The following SMG6 variants were observed in gnomAD, a reference collection of about 807,000 sequenced individuals.
SMG6 encodes the protein telomerase-binding protein EST1A.
In SMG6, 66 loss-of-function variants were observed where a neutral mutation model predicts 142.2. That is an observed-to-expected ratio of 0.46 (90% CI 0.38 to 0.57). The LOEUF (loss-of-function observed/expected upper bound fraction) is 0.57. Ranked by LOEUF, SMG6 falls within the 20% of genes least tolerant of loss-of-function variation. The pLI, the probability that SMG6 is intolerant of heterozygous loss-of-function variation, is 0.00. For synonymous variants in SMG6, 779 were observed against 702.4 expected (o/e 1.11, Z -1.72); for missense variants, 1,793 against 1,832.0 (o/e 0.98, Z 0.39).
intron 13 of SMG6, among the ~76,000 whole-genome samples, chr17:2,100,701 A>G (rs553905077): frequency 1.3e-5 from 2 of 152,222 alleles, no homozygotes; most frequent in African/African-American, 4.8e-5. Flanking sequence ...ACACCATCAC[A>G]TCCAGCTAAT....
rs116937145 is a variant in SMG6 at position 2,291,480 on chromosome 17, G to C, written c.2337+1072C>G. Among the ~76,000 whole-genome samples the C allele has an allele frequency of 2.0e-3, 311 of 152,230 alleles. 5 individuals are homozygous for C. The East Asian group carries it at 0.028, about 14-fold the overall frequency. On this transcript the variant is annotated intron_variant, in intron 6 of 18. Coordinates refer to ENST00000263073, the MANE Select transcript of SMG6 (RefSeq NM_017575.5). Reference sequence around the variant, plus strand: ...AGGGAAGAAAAAATAGTGCTGCAAAGAGGGCGGGAAAAAAAATCCCATAAA... The same window carrying C: ...AGGGAAGAAAAAATAGTGCTGCAAACAGGGCGGGAAAAAAAATCCCATAAA...
chr17:2,110,579 G>C (rs114729965), intron 13 of SMG6, among the ~76,000 whole-genome samples: 1 of 152,068 alleles, frequency 6.6e-6, no homozygotes, highest in Non-Finnish European at 1.5e-5. Context: ...CTGTGTTGGG[G>C]GGACTGATGG....
rs142558018 is a variant in SMG6 at position 2,237,600 on chromosome 17, T to C, written c.2724-963A>G. On this transcript the variant is annotated intron_variant, in intron 9 of 18. Transcript: ENST00000263073. The stretch of plus-strand genomic sequence containing the variant: ...CTGTATGTTTTCAGGCCAGTGGAAA[T>C]AGAATGCCCTGGCCAAGTGCCACTC... The C allele has an allele frequency of 1.0e-4, 103 of 981,592 alleles. 1 individual carries two copies. The East Asian group carries it at 7.6e-3, about 73-fold the overall frequency. The allele number at this position is 981,592 out of a possible 1,614,324, so 60.8% of individuals were successfully genotyped here. A position where few individuals can be genotyped will look rare whatever the true frequency, so the allele number is the denominator to read the frequency against.
chr17:2,200,887 C>T (rs2072500917), intron 10 of SMG6, among the ~76,000 whole-genome samples: 2 of 152,078 alleles, frequency 1.3e-5, no homozygotes, highest in African/African-American at 4.8e-5. Flanking sequence ...CCTTGAACTC[C>T]CAAAGTGCTG....
intron 4 of SMG6, among the ~76,000 whole-genome samples, chr17:2,296,078 G>C (rs1039265147): frequency 6.6e-6 from 1 of 152,146 alleles, no homozygotes; most frequent in Non-Finnish European, 1.5e-5. Flanking sequence ...CAAGTGACTG[G>C]TTCTAAGAAC....
intron 13 of SMG6, among the ~76,000 whole-genome samples, chr17:2,141,984 C>T (rs904852146): frequency 5.9e-5 from 9 of 152,144 alleles, no homozygotes; most frequent in Non-Finnish European, 2.9e-5. Context: ...GAAGTGTGTA[C>T]TTCAGGTAGA....
intron 9 of SMG6, among the ~76,000 whole-genome samples, chr17:2,241,836 T>C (rs1198685449): frequency 2.6e-5 from 4 of 152,254 alleles, no homozygotes; most frequent in African/African-American, 9.6e-5. Flanking sequence ...TAAATGTTCC[T>C]ACATTCTGCA....
chr17:2,112,884 AGTAGCTG>A (rs2069382521), intron 13 of SMG6, among the ~76,000 whole-genome samples: 1 of 148,964 alleles, frequency 6.7e-6, no homozygotes, highest in African/African-American at 2.5e-5. Context: ...CAGCCTCCTG[AGTAGCTG>A]GGACCACAGA....
At chr17:2,121,628 TGTGTGTGTGTGTGTGTGTAG>T (rs895067590) in intron 13 of SMG6, among the ~76,000 whole-genome samples, 7 of 93,958 alleles carry the variant, frequency 7.5e-5, no homozygotes, top group African/African-American at 1.1e-4. Context: ...TGTGTGTGTG[TGTGTGTGTGTGTGTGTGTAG>T]AGAGAGAGAG....
chr17:2,079,406 G>A (rs1174460065), intron 15 of SMG6, among the ~76,000 whole-genome samples: 2 of 152,108 alleles, frequency 1.3e-5, no homozygotes, highest in African/African-American at 2.4e-5. Flanking sequence ...AGGCCGTGGC[G>A]GGCAGATCAC....
At chr17:2,235,991 C>A (rs1312074106) in intron 10 of SMG6, 1 of 152,202 alleles carries the variant, frequency 6.6e-6, no homozygotes, top group Non-Finnish European at 1.5e-5. Flanking sequence ...ATTTGAGTCA[C>A]CAAAGCTCAT....
chr17:2,131,812 G>A (rs1384604271), intron 13 of SMG6, among the ~76,000 whole-genome samples: 1 of 152,126 alleles, frequency 6.6e-6, no homozygotes, highest in East Asian at 1.9e-4. Flanking sequence ...TGTAATTCTA[G>A]TGTAATTCTA....
intron 13 of SMG6, among the ~76,000 whole-genome samples, chr17:2,089,091 A>G (rs1680821910): frequency 6.6e-6 from 1 of 152,238 alleles, no homozygotes. Context: ...GAGGGGTTAA[A>G]GCTGGACTCC....
At chr17:2,264,484 C>T (rs2074380171) in intron 8 of SMG6, among the ~76,000 whole-genome samples, 1 of 152,340 alleles carries the variant, frequency 6.6e-6, no homozygotes, top group Middle Eastern at 3.4e-3. Context: ...AAGATGGCTA[C>T]TCCATCTCTC....
At chr17:2,261,608 G>A (rs2074316632) in intron 8 of SMG6, among the ~76,000 whole-genome samples, 1 of 152,164 alleles carries the variant, frequency 6.6e-6, no homozygotes, top group African/African-American at 2.4e-5. Flanking sequence ...ACATGCAGAT[G>A]ACTGGTGCTA....
At chr17:2,131,087 T>A (rs79471718) in intron 13 of SMG6, among the ~76,000 whole-genome samples, 1 of 152,324 alleles carries the variant, frequency 6.6e-6, no homozygotes, top group Non-Finnish European at 1.5e-5. Context: ...TGGCTTATTA[T>A]TAAAACAATT....
intron 13 of SMG6, among the ~76,000 whole-genome samples, chr17:2,099,358 A>G (rs1448357407): frequency 6.6e-6 from 1 of 151,930 alleles, no homozygotes; most frequent in East Asian, 1.9e-4. Flanking sequence ...CTCATGTGAA[A>G]CCAGATACCA....
At chr17:2,264,888 C>A (rs906617560) in intron 8 of SMG6, among the ~76,000 whole-genome samples, 3 of 149,506 alleles carry the variant, frequency 2.0e-5, no homozygotes, top group Non-Finnish European at 3.0e-5. Context: ...GGTGACAGAA[C>A]GAAACCCCAT....
At chr17:2,198,498 C>T (rs2072404698) in intron 10 of SMG6, among the ~76,000 whole-genome samples, 1 of 152,120 alleles carries the variant, frequency 6.6e-6, no homozygotes, top group Admixed American at 6.5e-5. Context: ...TGCAAGATAA[C>T]TTGTGAAATC....
Sources: allele counts gnomAD v4.1 joint callset (sites outside exome capture counted in the v4.1 genomes callset), GRCh38; gene constraint gnomAD v4.1.1; transcripts MANE v1.5; gene names NCBI Gene and HGNC (gene_info 2026-07-23, HGNC 2026-07-21).